The following COMMD10 variants were observed in gnomAD, a reference collection of about 807,000 sequenced individuals.
The protein encoded by COMMD10 is COMM domain containing 10, also known as COMM domain-containing protein 10.
In COMMD10, 33 loss-of-function variants were observed where a neutral mutation model predicts 28.9. The observed-to-expected ratio is 1.14, with a 90% CI of 0.87 to 1.53. COMMD10 has a LOEUF of 1.53. Among genes scored for constraint, COMMD10 ranks in the 40% most tolerant of loss-of-function variants. The probability of loss-of-function intolerance (pLI) is 0.00; values close to 1 mark genes in which losing one functional copy is unlikely to be tolerated. For synonymous variants in COMMD10, 110 were observed against 81.7 expected, an observed-to-expected ratio of 1.35 and a Z score of -1.87; for missense variants, 310 against 233.4, an observed-to-expected ratio of 1.33 and a Z score of -2.14.
intron 4 of COMMD10, among the ~76,000 whole-genome samples, chr5:116,102,703 C>T (rs1474714456): frequency 1.3e-5 from 2 of 152,086 alleles, no homozygotes; most frequent in Non-Finnish European, 2.9e-5. Flanking sequence ...TTCTGGGGTA[C>T]ATGTGCAGAA....
chr5:116,147,863 A>T (rs914833711), intron 5 of COMMD10, among the ~76,000 whole-genome samples: 3 of 151,916 alleles, frequency 2.0e-5, no homozygotes, highest in Non-Finnish European at 4.4e-5. Flanking sequence ...GACGTATTTA[A>T]TTGGCATATA....
intron 6 of COMMD10, 96 bp from the exon 7 acceptor site, chr5:116,292,355 A>AT (rs1355580616): frequency 6.0e-6 from 4 of 667,554 alleles, no homozygotes; most frequent in South Asian, 3.4e-5. Flanking sequence ...TACCAGTGCT[A>AT]TTTTTTCCTT....
At chr5:116,142,649 T>A (rs1371957108) in intron 5 of COMMD10, among the ~76,000 whole-genome samples, 2 of 151,780 alleles carry the variant, frequency 1.3e-5, no homozygotes, top group Non-Finnish European at 3.0e-5. Flanking sequence ...GGTAATTAAT[T>A]ACTTTGGATT....
intron 5 of COMMD10, among the ~76,000 whole-genome samples, chr5:116,291,174 A>G (rs1488483371): frequency 6.6e-6 from 1 of 152,194 alleles, no homozygotes; most frequent in African/African-American, 2.4e-5. Flanking sequence ...GGTATTTACT[A>G]GATTTCAAAC....
At chr5:116,259,899 T>G (rs1207596944) in intron 5 of COMMD10, among the ~76,000 whole-genome samples, 1 of 151,740 alleles carries the variant, frequency 6.6e-6, no homozygotes, top group African/African-American at 2.4e-5. Flanking sequence ...TCTGAGCCTC[T>G]ATAGCAGACT....
chr5:116,287,393 A>G (rs543937836), intron 5 of COMMD10, among the ~76,000 whole-genome samples: 2 of 151,728 alleles, frequency 1.3e-5, no homozygotes, highest in South Asian at 2.1e-4. Context: ...TAATGTAGCC[A>G]CTTCTGCTCT....
At chr5:116,167,426 A>T (rs1269204470) in intron 5 of COMMD10, among the ~76,000 whole-genome samples, 1 of 152,184 alleles carries the variant, frequency 6.6e-6, no homozygotes, top group East Asian at 1.9e-4. Flanking sequence ...ACTCTTCAGG[A>T]TGTTATCCAG....
chr5:116,219,163 C>G (rs947805051), intron 5 of COMMD10, among the ~76,000 whole-genome samples: 2 of 152,094 alleles, frequency 1.3e-5, no homozygotes, highest in Non-Finnish European at 2.9e-5. Context: ...TTTCAGCTTC[C>G]AGAACTGAAA....
chr5:116,292,348 C>A, intron 6 of COMMD10, 103 bp from the exon 7 acceptor site: 1 of 564,360 alleles, frequency 1.8e-6, no homozygotes. Context: ...TCATAGTTAC[C>A]AGTGCTATTT....
intron 5 of COMMD10, among the ~76,000 whole-genome samples, chr5:116,168,952 T>C (rs539074266): frequency 1.3e-5 from 2 of 151,850 alleles, no homozygotes; most frequent in Non-Finnish European, 2.9e-5. Flanking sequence ...ATTCAAAAGC[T>C]AGCAGAAGAC....
intron 5 of COMMD10, among the ~76,000 whole-genome samples, chr5:116,277,903 C>G (rs1332119764): frequency 6.6e-6 from 1 of 151,780 alleles, no homozygotes; most frequent in Non-Finnish European, 1.5e-5. Context: ...AGTACAAATG[C>G]ATCATTTAAA....
At chr5:116,145,442 G>A (rs988530480) in intron 5 of COMMD10, among the ~76,000 whole-genome samples, 1 of 130,734 alleles carries the variant, frequency 7.6e-6, no homozygotes, top group East Asian at 2.1e-4. Flanking sequence ...CAAAGGGTTT[G>A]TCTGTGTCTA....
At chr5:116,140,173 T>A (rs1752150773) in intron 5 of COMMD10, among the ~76,000 whole-genome samples, 1 of 151,558 alleles carries the variant, frequency 6.6e-6, no homozygotes, top group South Asian at 2.1e-4. Flanking sequence ...GTCCTCCAGA[T>A]TCATCCATGT....
chr5:116,229,076 G>T (rs968787840), intron 5 of COMMD10, among the ~76,000 whole-genome samples: 1 of 151,864 alleles, frequency 6.6e-6, no homozygotes, highest in Non-Finnish European at 1.5e-5. Context: ...TTACATTTAG[G>T]CATAAAAGAG....
chr5:116,090,079 T>C (rs1750247669), intron 2 of COMMD10, among the ~76,000 whole-genome samples: 1 of 152,162 alleles, frequency 6.6e-6, no homozygotes, highest in South Asian at 2.1e-4. Flanking sequence ...TTTGACCTGT[T>C]TATGGGCAGA....
intron 4 of COMMD10, among the ~76,000 whole-genome samples, chr5:116,121,045 CATAG>C (rs1381473932): frequency 2.6e-5 from 4 of 152,030 alleles, no homozygotes; most frequent in Admixed American, 2.6e-4. Flanking sequence ...AGGTTTGTTA[CATAG>C]ATATACATGT....
intron 4 of COMMD10, among the ~76,000 whole-genome samples, chr5:116,115,341 C>A (rs568978692): frequency 1.7e-4 from 26 of 152,292 alleles, no homozygotes; most frequent in African/African-American, 6.0e-4. Context: ...CTTTTGGTTG[C>A]CAGCCTGCCC....
At chr5:116,198,776 T>C (rs566585761) in intron 5 of COMMD10, among the ~76,000 whole-genome samples, 2 of 152,334 alleles carry the variant, frequency 1.3e-5, no homozygotes, top group East Asian at 3.9e-4. Context: ...TCCATGTCTT[T>C]TCATGCATCG....
intron 5 of COMMD10, among the ~76,000 whole-genome samples, chr5:116,197,857 C>T (rs113377919): frequency 7.9e-5 from 12 of 152,202 alleles, no homozygotes; most frequent in African/African-American, 2.4e-4. Context: ...ACATGACTTG[C>T]CTAGGTTATA....
Sources: gnomAD v4.1 joint callset for allele counts (sites outside exome capture counted in the v4.1 genomes callset) on GRCh38, gnomAD v4.1.1 for gene constraint, MANE v1.5 for transcripts, NCBI Gene and HGNC (gene_info 2026-07-23, HGNC 2026-07-21) for gene names.